Variants in PNPT1 observed in about 807,000 individuals in gnomAD.
PNPT1 encodes polyribonucleotide nucleotidyltransferase 1, mitochondrial.
In PNPT1, 53 loss-of-function variants were observed where a neutral mutation model predicts 119.5. That is an observed-to-expected ratio of 0.44 (90% CI 0.36 to 0.56). The LOEUF (loss-of-function observed/expected upper bound fraction) is 0.56, where lower values mean the gene tolerates loss of function less well. PNPT1 is among the 20% of genes least tolerant of loss of function. The probability of loss-of-function intolerance (pLI) is 0.00; values close to 1 mark genes in which losing one functional copy is unlikely to be tolerated. For synonymous variants in PNPT1, 357 were observed against 322.1 expected, an observed-to-expected ratio of 1.11 and a Z score of -1.16; for missense variants, 948 against 938.5, an observed-to-expected ratio of 1.01 and a Z score of -0.13.
intron 9 of PNPT1, 87 bp from the exon 10 acceptor site, chr2:55,672,133 AAT>A (rs1696936103): frequency 6.1e-6 from 6 of 982,860 alleles, no homozygotes; most frequent in South Asian, 1.6e-5. Flanking sequence ...AATATTTAAT[AAT>A]AATCAGCTAA....
intron 13 of PNPT1, 49 bp downstream of exon 13, chr2:55,666,942 T>A (rs939750574): frequency 2.1e-5 from 26 of 1,258,282 alleles, no homozygotes; most frequent in Non-Finnish European, 2.7e-5. Flanking sequence ...TTAGATCTAA[T>A]TAAACAATCT....
intron 18 of PNPT1, among the ~76,000 whole-genome samples, chr2:55,651,885 CAAA>C: frequency 0.12 from 14,915 of 119,796 alleles, 866 homozygotes; most frequent in East Asian, 0.28. Flanking sequence ...AAAGGAAAGT[CAAA>C]AAAAAAAAAA....
At chr2:55,650,364 C>G (rs1696136647) in intron 18 of PNPT1, among the ~76,000 whole-genome samples, 1 of 152,220 alleles carries the variant, frequency 6.6e-6, no homozygotes, top group Non-Finnish European at 1.5e-5. Context: ...GGGCTGGTCT[C>G]CAGCTCCTAA....
intron 5 of PNPT1, among the ~76,000 whole-genome samples, chr2:55,682,183 C>T (rs1697268793): frequency 6.6e-6 from 1 of 151,652 alleles, no homozygotes; most frequent in Admixed American, 6.6e-5. Context: ...TTCTGTTGGC[C>T]AGGTGCAGTG....
chr2:55,686,218 A>G (rs1697401600), intron 3 of PNPT1, 152 bp downstream of exon 3: 1 of 639,190 alleles, frequency 1.6e-6, no homozygotes, highest in Non-Finnish European at 2.6e-6. Context: ...AGCAGTTTAT[A>G]CTCTTTTAAT....
Position 55,686,392 on chromosome 2 carries a change from G to A in PNPT1, c.275C>T (p.Pro92Leu). The A allele has an allele frequency of 6.2e-7, 1 of 1,613,536 alleles. No individual in the cohort carries two copies. Among genetic ancestry groups the A allele is most frequent in the Non-Finnish European group, 8.5e-7 (1 of 1,179,532 alleles). ...VTAVSKTKPS[P>L]SQFMPLVVDY... ...TACCACCAAAGGCATAAACTGGGAA[G>A]GGGAAGGTTTTGTTTTACTGACCGC... Residue 92 changes from proline to leucine, a missense_variant, in exon 3 of 28, where the codon CCT becomes CTT. Pro to Leu is a moderately conservative substitution (Grantham distance 98). Coordinates refer to ENST00000447944, the MANE Select transcript of PNPT1 (RefSeq NM_033109.5).
chr2:55,669,655 C>A (rs1040091785), intron 11 of PNPT1, among the ~76,000 whole-genome samples: 1 of 151,940 alleles, frequency 6.6e-6, no homozygotes, highest in African/African-American at 2.4e-5. Context: ...AGACAATATT[C>A]GCTATAAAAT....
Position 55,685,021 on chromosome 2 carries a change from C to A in PNPT1, c.325G>T (p.Ala109Ser). The change falls in exon 4 of 28, where the codon GCA becomes TCA. Residue 109 changes from alanine (A) to serine (S), a missense_variant. By Grantham distance (99) the Ala-to-Ser change is moderately conservative (BLOSUM62 1). Coordinates refer to ENST00000447944, the MANE Select transcript of PNPT1 (RefSeq NM_033109.5). ...AGATAGTTTGTGGGAATTCTACCTG[C>A]TGCAGCAGCTTTTTGTCTGTAGTCA... ...VVDYRQKAAA[A>S]GRIPTNYLRR... The A allele has an allele frequency of 6.3e-7, 1 of 1,593,610 alleles. No homozygotes were observed. The highest frequency in any genetic ancestry group is 8.6e-7 in the Non-Finnish European group (1 of 1,166,254).
At chr2:55,656,453 A>G in intron 15 of PNPT1, 82 bp from the exon 16 acceptor site, 1 of 1,231,108 alleles carries the variant, frequency 8.1e-7, no homozygotes, top group South Asian at 1.4e-5. Context: ...TAATAAAACA[A>G]CTTATAGAAC....
rs544112797 is a variant in PNPT1 at position 55,663,180 on chromosome 2, G to A, written c.1177-1154C>T. On this transcript the variant is annotated intron_variant, in intron 13 of 27. Transcript: ENST00000447944. ...ATTACAGGCGTGAGCCACCACGCCC[G>A]GCGACAAAAGATTTTTAACAGCTAT... Among the ~76,000 whole-genome samples the A allele has an allele frequency of 1.7e-4, 26 of 152,146 alleles. No individual in the cohort carries two copies. In the South Asian group the frequency reaches 3.1e-3, roughly 18 times the overall value.
intron 12 of PNPT1, among the ~76,000 whole-genome samples, chr2:55,667,639 G>A (rs1696776192): frequency 1.3e-5 from 2 of 151,694 alleles, no homozygotes; most frequent in South Asian, 4.2e-4. Flanking sequence ...TAATCCTGAA[G>A]TGCAGTCAGG....
In PNPT1 at chr2:55,656,157, A is replaced by C. The variant is rs1371706446; in HGVS notation, c.1415T>G (p.Val472Gly). The change falls in exon 17 of 28, where the codon GTT becomes GGT. Residue 472 changes from valine to glycine, a missense_variant. Coordinates refer to ENST00000447944, the MANE Select transcript of PNPT1 (RefSeq NM_033109.5). ...ATTTGACTCTAGGACTTCAGATGTA[A>C]CTCTTATGGTGAAAGGAAAATCTCG... ...IPRDFPFTIR[V>G]TSEVLESNGS... 1 of 1,613,346 alleles carries C rather than the reference A, an allele frequency of 6.2e-7. No homozygotes were observed. Among genetic ancestry groups the C allele is most frequent in the Non-Finnish European group, 8.5e-7 (1 of 1,179,634 alleles).
chr2:55,638,941 A>G (rs371803078), intron 26 of PNPT1, among the ~76,000 whole-genome samples: 4 of 151,672 alleles, frequency 2.6e-5, no homozygotes, highest in Admixed American at 6.6e-5. Context: ...TGCCCAGCTA[A>G]TTTTTTCTAT....
At chr2:55,680,638 C>T in intron 7 of PNPT1, 74 bp downstream of exon 7, 1 of 1,350,152 alleles carries the variant, frequency 7.4e-7, no homozygotes. Flanking sequence ...TATGCCATTG[C>T]TGTAACATGG....
rs924557682 is a variant in PNPT1, at chr2:55,673,026, T to C, written c.733A>G (p.Ile245Val). 9 of 1,612,386 alleles carry C rather than the reference T, an allele frequency of 5.6e-6. No individual in the cohort carries two copies. The highest frequency in any genetic ancestry group is 6.8e-6 in the Non-Finnish European group (8 of 1,179,772). ...NILQQDFCHA[I>V]KVGVKYTQQI... The stretch of plus-strand genomic sequence containing the variant: ...TGGGTATATTTCACTCCCACTTTGA[T>C]AGCATGGCAAAAGTCCTGCTGTAAA... The change falls in exon 9 of 28, where the codon ATC (isoleucine) becomes GTC (valine). Residue 245 changes from isoleucine (I) to valine (V), a missense_variant. Ile to Val is a conservative substitution (Grantham distance 29). Transcript: ENST00000447944.
intron 18 of PNPT1, among the ~76,000 whole-genome samples, chr2:55,647,750 T>C (rs1045435025): frequency 6.6e-6 from 1 of 152,118 alleles, no homozygotes; most frequent in Non-Finnish European, 1.5e-5. Flanking sequence ...CTTGAACTCC[T>C]GACCTCAGGT....
In PNPT1 at chr2:55,667,902, T is replaced by C. The variant is rs1384673806; in HGVS notation, c.1033A>G (p.Lys345Glu). Residue 345 changes from lysine to glutamate, a missense_variant, in exon 12 of 28, where the codon AAG becomes GAG. Lys to Glu is a moderately conservative substitution (Grantham distance 56, BLOSUM62 1). Coordinates refer to ENST00000447944, the MANE Select transcript of PNPT1 (RefSeq NM_033109.5). ...AAAACAATACTTCTAAAAACTTCCT[T>C]TGCAACAACATTGAAGGATTCTATT... ...EIIESFNVVA[K>E]EVFRSIVLNE... is the part of the protein sequence containing the mutation. The C allele has an allele frequency of 6.3e-7, 1 of 1,584,612 alleles. No individual in the cohort carries two copies. The highest frequency in any genetic ancestry group is 8.5e-7 in the Non-Finnish European group (1 of 1,172,640).
At chr2:55,680,388 C>T (rs963083869) in intron 7 of PNPT1, among the ~76,000 whole-genome samples, 2 of 146,644 alleles carry the variant, frequency 1.4e-5, no homozygotes, top group Admixed American at 1.4e-4. Flanking sequence ...ACATTAATTT[C>T]ATCCTGAAGG....
In PNPT1 at chr2:55,636,154, A is replaced by T; in HGVS notation, c.*83T>A. 1.0e-6 allele frequency: 1 copy of T among 970,582 alleles called. No homozygotes were observed. Among genetic ancestry groups the T allele is most frequent in the South Asian group, 2.0e-5 (1 of 48,894 alleles). The allele number at this position is 970,582 out of a possible 1,614,324, so 60.1% of individuals were successfully genotyped here. ...TTTATATTATATAGAAATCTACACA[A>T]TGGAAGATACTACTAAAATGTTGCT... On this transcript the variant is annotated 3_prime_UTR_variant, in exon 28 of 28. Coordinates refer to ENST00000447944, the MANE Select transcript of PNPT1 (RefSeq NM_033109.5).
Sources: allele counts gnomAD v4.1 joint callset (sites outside exome capture counted in the v4.1 genomes callset), GRCh38; gene constraint gnomAD v4.1.1; transcripts MANE v1.5; gene names NCBI Gene and HGNC (gene_info 2026-07-23, HGNC 2026-07-21).